Variants in NFIB observed in about 807,000 individuals in gnomAD.
The protein encoded by NFIB is nuclear factor 1 B-type.
Under a neutral mutation model 61.5 loss-of-function variants are expected in NFIB, and 11 were observed. The ratio of observed to expected loss-of-function variants is 0.18; its 90% CI spans 0.11 to 0.30. The LOEUF (loss-of-function observed/expected upper bound fraction) is 0.30. NFIB is among the 10% of genes least tolerant of loss of function. The probability of loss-of-function intolerance (pLI) is 1.00; values close to 1 mark genes in which losing one functional copy is unlikely to be tolerated. For missense variants in NFIB, 471 were observed against 608.9 expected (o/e 0.77, Z 2.38); for synonymous variants, 260 against 216.5 (o/e 1.20, Z -1.76).
chr9:14,161,233 A>G (rs1360345976), intron 3 of NFIB, among the ~76,000 whole-genome samples: 1 of 152,184 alleles, frequency 6.6e-6, no homozygotes, highest in African/African-American at 2.4e-5. Context: ...ACTTGTGTTG[A>G]AGTTAAAGCT....
At chr9:14,491,746 C>T in the NFIB span, among the ~76,000 whole-genome samples, 30 of 152,160 alleles carry the variant, frequency 2.0e-4, no homozygotes, top group African/African-American at 6.8e-4. Context: ...AGCCTCCCCC[C>T]TCCATTTTTT....
At chr9:14,357,450 G>A (rs1433893537) in intron 1 of NFIB, 1 of 152,178 alleles carries the variant, frequency 6.6e-6, no homozygotes, top group Non-Finnish European at 1.5e-5. Context: ...AGTGATCTGT[G>A]AGCCCCAAGT....
At chr9:14,512,438 T>C in the NFIB span, among the ~76,000 whole-genome samples, 23 of 152,234 alleles carry the variant, frequency 1.5e-4, no homozygotes, top group Non-Finnish European at 3.2e-4. Flanking sequence ...AGACAGATAT[T>C]TATAATCATA....
chr9:14,473,517 G>A, the NFIB span, among the ~76,000 whole-genome samples: 1 of 152,138 alleles, frequency 6.6e-6, no homozygotes, highest in Non-Finnish European at 1.5e-5. Flanking sequence ...TCTCACGAAT[G>A]GACATTTCAT....
intron 10 of NFIB, among the ~76,000 whole-genome samples, chr9:14,110,527 T>C (rs2037205546): frequency 6.6e-6 from 1 of 152,112 alleles, no homozygotes; most frequent in African/African-American, 2.4e-5. Context: ...GATTTTCCTT[T>C]TCATTCATCA....
intron 1 of NFIB, among the ~76,000 whole-genome samples, chr9:14,334,937 G>A (rs1259002438): frequency 1.3e-5 from 2 of 152,090 alleles, no homozygotes; most frequent in Non-Finnish European, 2.9e-5. Context: ...GAATCAAACA[G>A]TATGTACTCT....
chr9:14,088,604 G>A (rs1349447801), intron 10 of NFIB, among the ~76,000 whole-genome samples: 1 of 151,792 alleles, frequency 6.6e-6, no homozygotes, highest in Non-Finnish European at 1.5e-5. Context: ...AACCGATTGA[G>A]GATATTCTAA....
the NFIB span, among the ~76,000 whole-genome samples, chr9:14,515,617 C>G: frequency 6.6e-6 from 1 of 152,148 alleles, no homozygotes; most frequent in Non-Finnish European, 1.5e-5. Context: ...GAGTTTGTGA[C>G]AAGTTCTTGG....
chr9:14,304,252 T>A (rs1386638796), intron 2 of NFIB, among the ~76,000 whole-genome samples: 3 of 152,136 alleles, frequency 2.0e-5, no homozygotes, highest in Non-Finnish European at 2.9e-5. Flanking sequence ...AAAGTGTGGG[T>A]TGAACCAAAA....
chr9:14,432,387 T>A, the NFIB span, among the ~76,000 whole-genome samples: 3 of 152,226 alleles, frequency 2.0e-5, no homozygotes, highest in Admixed American at 2.0e-4. Context: ...CTTAAGCCCC[T>A]GCTACACCCA....
intron 1 of NFIB, among the ~76,000 whole-genome samples, chr9:14,331,708 C>G (rs778952195): frequency 1.3e-5 from 2 of 152,190 alleles, no homozygotes; most frequent in Non-Finnish European, 2.9e-5. Flanking sequence ...GACTTAGCCA[C>G]GCAAAGGCTA....
At chr9:14,448,817 TTA>T in the NFIB span, among the ~76,000 whole-genome samples, 3 of 152,290 alleles carry the variant, frequency 2.0e-5, no homozygotes, top group Non-Finnish European at 4.4e-5. Context: ...GTTAAGATTT[TTA>T]TGTTTTTGCA....
At chr9:14,424,981 C>T in the NFIB span, among the ~76,000 whole-genome samples, 614 of 152,200 alleles carry the variant, frequency 4.0e-3, 4 homozygotes, top group South Asian at 0.038. Flanking sequence ...CCAATCTCCC[C>T]CCCTGGGCCT....
the NFIB span, among the ~76,000 whole-genome samples, chr9:14,520,748 A>C: frequency 2.0e-5 from 3 of 152,362 alleles, no homozygotes; most frequent in East Asian, 5.8e-4. Context: ...CAGCACCTTC[A>C]TTTAAAAAGA....
At chr9:14,225,972 TA>T (rs1391577735) in intron 2 of NFIB, among the ~76,000 whole-genome samples, 2 of 152,232 alleles carry the variant, frequency 1.3e-5, no homozygotes, top group Non-Finnish European at 2.9e-5. Context: ...AGTGATCAGG[TA>T]AAATTTTTAA....
At chr9:14,521,937 T>C in the NFIB span, among the ~76,000 whole-genome samples, 1 of 152,204 alleles carries the variant, frequency 6.6e-6, no homozygotes, top group Non-Finnish European at 1.5e-5. Context: ...TCTCCCCATA[T>C]CCATGCTATT....
chr9:14,209,552 G>A (rs981929832), intron 2 of NFIB, among the ~76,000 whole-genome samples: 1 of 152,230 alleles, frequency 6.6e-6, no homozygotes, highest in African/African-American at 2.4e-5. Flanking sequence ...GTAAAAAGAA[G>A]TAAAGTCATT....
intron 2 of NFIB, among the ~76,000 whole-genome samples, chr9:14,303,432 G>A (rs1317801963): frequency 6.6e-6 from 1 of 152,144 alleles, no homozygotes; most frequent in Non-Finnish European, 1.5e-5. Context: ...AGGCAATATG[G>A]GGAATAGGTA....
At chr9:14,480,550 C>G in the NFIB span, among the ~76,000 whole-genome samples, 1 of 152,174 alleles carries the variant, frequency 6.6e-6, no homozygotes, top group Admixed American at 6.5e-5. Flanking sequence ...TTTGTATTTT[C>G]ATCCCAAAAC....
Sources: allele counts gnomAD v4.1 joint callset (sites outside exome capture counted in the v4.1 genomes callset), GRCh38; gene constraint gnomAD v4.1.1; transcripts MANE v1.5; gene names NCBI Gene and HGNC (gene_info 2026-07-23, HGNC 2026-07-21).